The following RECK variants were observed in gnomAD, a reference collection of about 807,000 sequenced individuals.
RECK encodes reversion inducing cysteine rich protein with kazal motifs, also known as reversion-inducing cysteine-rich protein with Kazal motifs.
In RECK, 69 loss-of-function variants were observed where a neutral mutation model predicts 115.1. That is an observed-to-expected ratio of 0.60 (90% confidence interval 0.49 to 0.73). RECK has a LOEUF of 0.73. RECK is among the 30% of genes least tolerant of loss of function. RECK has a pLI of 0.00. For synonymous variants in RECK, 414 were observed against 419.7 expected (o/e 0.99, Z 0.17); for missense variants, 1,047 against 1,203.7 (o/e 0.87, Z 1.93).
intron 1 of RECK, among the ~76,000 whole-genome samples, chr9:36,051,068 A>G (rs73646001): frequency 4.9e-4 from 74 of 152,222 alleles, no homozygotes; most frequent in African/African-American, 1.7e-3. Flanking sequence ...TTTAAGTTTC[A>G]AGAGAACAGA....
At chr9:36,092,171 T>C (rs1469248076) in intron 10 of RECK, among the ~76,000 whole-genome samples, 2 of 152,180 alleles carry the variant, frequency 1.3e-5, no homozygotes, top group African/African-American at 4.8e-5. Context: ...AGTAAAGACC[T>C]GATTTAGAGA....
chr9:36,102,348 A>G, intron 12 of RECK, 118 bp downstream of exon 12: 1 of 861,920 alleles, frequency 1.2e-6, no homozygotes, highest in African/African-American at 1.7e-5. Context: ...ATTCAATGAT[A>G]CCATCTCAAT....
At position 36,100,390 on chromosome 9, in the gene RECK, T is replaced by G; in HGVS notation, c.1145T>G (p.Met382Arg). Residue 382 changes from methionine (M) to arginine (R), a missense_variant, in exon 11 of 21, where the codon ATG becomes AGG. Transcript: ENST00000377966. ...AQSDQGAMND[M>R]KLWEKGSIKM... ...TCAGATCAAGGAGCCATGAATGACATGAAGTTGTGGGAGAAAGGAAGCATA... is the reference window on the plus strand; with the variant it reads ...TCAGATCAAGGAGCCATGAATGACAGGAAGTTGTGGGAGAAAGGAAGCATA... 1.2e-6 allele frequency: 2 copies of G among 1,614,152 alleles called. No individual in the cohort carries two copies. The highest frequency in any genetic ancestry group is 8.5e-7 in the Non-Finnish European group (1 of 1,180,010).
At chr9:36,064,104 T>G (rs1040668854) in intron 5 of RECK, among the ~76,000 whole-genome samples, 3 of 152,254 alleles carry the variant, frequency 2.0e-5, no homozygotes, top group African/African-American at 7.2e-5. Context: ...TATCATTCCT[T>G]GTCTCTGCCA....
At chr9:36,082,149 G>GCTTTCT (rs1822727254) in intron 7 of RECK, among the ~76,000 whole-genome samples, 1 of 64,076 alleles carries the variant, frequency 1.6e-5, no homozygotes, top group African/African-American at 4.6e-5. Context: ...TTTCCTCCCT[G>GCTTTCT]CTTTCTCTCT....
At chr9:36,054,827 ATG>A (rs1230479627) in intron 2 of RECK, among the ~76,000 whole-genome samples, 1 of 152,136 alleles carries the variant, frequency 6.6e-6, no homozygotes, top group Non-Finnish European at 1.5e-5. Context: ...TCATTTGCCT[ATG>A]TTGTATTCAT....
chr9:36,102,511 A>G (rs1823599726), intron 12 of RECK, among the ~76,000 whole-genome samples: 1 of 152,212 alleles, frequency 6.6e-6, no homozygotes, highest in Non-Finnish European at 1.5e-5. Context: ...ATTCTCAGAT[A>G]ACCAGCTCCA....
intron 1 of RECK, 68 bp from the exon 2 acceptor site, chr9:36,052,197 C>A: frequency 3.3e-6 from 3 of 912,438 alleles, no homozygotes; most frequent in South Asian, 2.7e-5. Context: ...TTTGTGTAAC[C>A]ATCTGAATTA....
intron 4 of RECK, among the ~76,000 whole-genome samples, chr9:36,061,275 G>C (rs1206061114): frequency 6.6e-6 from 1 of 151,652 alleles, no homozygotes; most frequent in African/African-American, 2.4e-5. Flanking sequence ...GAATTCTAGA[G>C]GCTATCGCAC....
At chr9:36,046,865 C>G (rs1821088749) in intron 1 of RECK, among the ~76,000 whole-genome samples, 1 of 151,934 alleles carries the variant, frequency 6.6e-6, no homozygotes, top group South Asian at 2.1e-4. Flanking sequence ...TAGATTTGAC[C>G]TTCACCATTT....
chr9:36,066,623 C>T (rs1422971656), intron 6 of RECK: 1 of 299,534 alleles, frequency 3.3e-6, no homozygotes, highest in Non-Finnish European at 6.0e-6. Flanking sequence ...TGAAAGGAGC[C>T]CTGCTACAGA....
chr9:36,073,788 T>C (rs998339839), intron 6 of RECK, among the ~76,000 whole-genome samples: 1 of 152,176 alleles, frequency 6.6e-6, no homozygotes, highest in African/African-American at 2.4e-5. Context: ...CCCTGTTGTT[T>C]TATTTGTTAG....
chr9:36,119,197 A>G (rs1824372467), intron 18 of RECK, among the ~76,000 whole-genome samples: 1 of 152,236 alleles, frequency 6.6e-6, no homozygotes, highest in Non-Finnish European at 1.5e-5. Flanking sequence ...CCTTTTCTCA[A>G]GCTAAATCTT....
At chr9:36,103,160 A>G (rs1382192313) in intron 12 of RECK, among the ~76,000 whole-genome samples, 3 of 152,144 alleles carry the variant, frequency 2.0e-5, no homozygotes, top group South Asian at 2.1e-4. Flanking sequence ...TAGAACTCCT[A>G]CACACCCAGT....
At position 36,094,539 on chromosome 9, in the gene RECK, CAG is replaced by C. The variant is rs1823268772; in HGVS notation, c.1085+3198_1085+3199del. On this transcript the variant is annotated intron_variant, in intron 10 of 20. Coordinates refer to ENST00000377966, the MANE Select transcript of RECK (RefSeq NM_021111.3). This position sits in a 1 kb window ranked among gnomAD's most constrained non-coding sequence, Gnocchi z 4.1. ...AATACTTGATCCATCCAAAAGAAGA[CAG>C]AAAGAAAAAGGAGACAAATTGAAAA... Among the ~76,000 whole-genome samples, 1 of 151,832 alleles carries C rather than the reference CAG, an allele frequency of 6.6e-6. No homozygotes were observed.
chr9:36,120,138 G>A lies in RECK; in HGVS notation c.2465-525G>A, dbSNP rs370646639. Among the ~76,000 whole-genome samples, 834 of 152,174 alleles carry A rather than the reference G, an allele frequency of 5.5e-3. 9 individuals are homozygous for A. The highest frequency in any genetic ancestry group is 0.019 in the African/African-American group (792 of 41,508). On this transcript the variant is annotated intron_variant, in intron 18 of 20. Transcript: ENST00000377966. Reference sequence around the variant, plus strand: ...TAGTCCCAGCTACTCTGGAGGCTGAGGCAGGAGAATGGCATGAACCCGGGA... The same window carrying A: ...TAGTCCCAGCTACTCTGGAGGCTGAAGCAGGAGAATGGCATGAACCCGGGA...
chr9:36,049,685 TAG>T (rs1821209956), intron 1 of RECK, among the ~76,000 whole-genome samples: 1 of 152,166 alleles, frequency 6.6e-6, no homozygotes. Context: ...TCCGGTGATT[TAG>T]AGTCTCCCTC....
At chr9:36,066,173 G>A (rs1018552309) in intron 6 of RECK, among the ~76,000 whole-genome samples, 4 of 152,018 alleles carry the variant, frequency 2.6e-5, no homozygotes, top group African/African-American at 9.7e-5. Flanking sequence ...ATCTAGATGG[G>A]GTAGATATTA....
intron 18 of RECK, 92 bp from the exon 19 acceptor site, chr9:36,120,571 G>A: frequency 9.6e-7 from 1 of 1,045,402 alleles, no homozygotes; most frequent in Non-Finnish European, 1.5e-6. Context: ...TAACTCTCCT[G>A]CCCAAAATGA....
Sources: gnomAD v4.1 joint callset for allele counts (sites outside exome capture counted in the v4.1 genomes callset) on GRCh38, gnomAD v4.1.1 for gene constraint, Gnocchi (gnomAD v3.1) non-coding constraint, MANE v1.5 for transcripts, NCBI Gene and HGNC (gene_info 2026-07-23, HGNC 2026-07-21) for gene names.